CEP63: variants seen among roughly 807,000 people sequenced by gnomAD.
The protein encoded by CEP63 is centrosomal protein of 63 kDa.
A neutral mutation model predicts 89.1 loss-of-function variants in CEP63; 84 were observed. The observed-to-expected ratio is 0.94, with a 90% CI of 0.79 to 1.13. The LOEUF (loss-of-function observed/expected upper bound fraction) is 1.13. Among genes scored for constraint, CEP63 ranks in the 50% most tolerant of loss-of-function variants. CEP63 has a pLI of 0.00. For missense variants in CEP63, 838 were observed against 813.3 expected (o/e 1.03, Z -0.37); for synonymous variants, 267 against 272.5 (o/e 0.98, Z 0.20).
intron 6 of CEP63, among the ~76,000 whole-genome samples, chr3:134,537,518 G>T (rs1234736127): frequency 6.6e-6 from 1 of 152,040 alleles, no homozygotes; most frequent in Admixed American, 6.5e-5. Context: ...TTGCCTCCTT[G>T]CTTGTTTCTG....
the CEP63 span, among the ~76,000 whole-genome samples, chr3:134,778,377 A>G: frequency 1.3e-5 from 2 of 152,022 alleles, no homozygotes; most frequent in East Asian, 3.9e-4. Context: ...AATTATAGGC[A>G]TCAGCCACCA....
At chr3:134,518,198 G>A (rs1385434264) in intron 3 of CEP63, among the ~76,000 whole-genome samples, 2 of 152,080 alleles carry the variant, frequency 1.3e-5, no homozygotes, top group South Asian at 2.1e-4. Context: ...TAAGTACATG[G>A]TAATCATGGA....
chr3:134,777,455 A>G, the CEP63 span, among the ~76,000 whole-genome samples: 1 of 152,044 alleles, frequency 6.6e-6, no homozygotes, highest in South Asian at 2.1e-4. Context: ...CTCATTTTTC[A>G]GAGGGGTCTT....
At chr3:134,609,784 C>G in the CEP63 span, among the ~76,000 whole-genome samples, 1 of 152,136 alleles carries the variant, frequency 6.6e-6, no homozygotes, top group African/African-American at 2.4e-5. Flanking sequence ...GGAGAAGGAG[C>G]CTGGTGTCTG....
At chr3:134,748,427 T>G in the CEP63 span, among the ~76,000 whole-genome samples, 1 of 144,700 alleles carries the variant, frequency 6.9e-6, no homozygotes, top group South Asian at 2.2e-4. Context: ...TGGAGTTTTG[T>G]TTTTTTTTTT....
intron 9 of CEP63, 118 bp from the exon 10 acceptor site, chr3:134,548,944 G>T (rs1954214208): frequency 1.4e-6 from 1 of 694,744 alleles, no homozygotes; most frequent in African/African-American, 1.8e-5. Context: ...AATGACTGAG[G>T]TGATGTTTAA....
intron 2 of CEP63, among the ~76,000 whole-genome samples, chr3:134,502,026 C>T (rs1942148600): frequency 6.6e-6 from 1 of 152,070 alleles, no homozygotes; most frequent in Admixed American, 6.6e-5. Flanking sequence ...TTGTTGAGGG[C>T]TTTTAACGTG....
chr3:134,705,173 G>A, the CEP63 span, among the ~76,000 whole-genome samples: 69 of 152,298 alleles, frequency 4.5e-4, 1 homozygote, highest in African/African-American at 1.3e-3. Context: ...TAATTTATAA[G>A]GAAAAGAGGT....
At chr3:134,663,550 C>G in the CEP63 span, among the ~76,000 whole-genome samples, 1 of 152,208 alleles carries the variant, frequency 6.6e-6, no homozygotes, top group Non-Finnish European at 1.5e-5. Flanking sequence ...ACCCCGGGGG[C>G]CTTCTATTCT....
At chr3:134,577,609 CT>C (rs889066103), downstream of CEP63, among the ~76,000 whole-genome samples, 4 of 150,610 alleles carry the variant, frequency 2.7e-5, no homozygotes, top group Non-Finnish European at 5.9e-5. Context: ...TTATTTTTAA[CT>C]TTTTTTTTCT....
chr3:134,541,662 C>T (rs1202743724), intron 6 of CEP63, among the ~76,000 whole-genome samples: 3 of 151,744 alleles, frequency 2.0e-5, no homozygotes, highest in Non-Finnish European at 1.5e-5. Flanking sequence ...TACAGGCGTG[C>T]ACCACCATGC....
chr3:134,608,567 G>A, the CEP63 span: 9 of 1,611,012 alleles, frequency 5.6e-6, no homozygotes, highest in African/African-American at 1.3e-5. Flanking sequence ...CCTTGAAAGC[G>A]CAGTCTCAGG....
chr3:134,492,262 C>T (rs1394749467), intron 1 of CEP63, among the ~76,000 whole-genome samples: 1 of 151,728 alleles, frequency 6.6e-6, no homozygotes, highest in African/African-American at 2.4e-5. Flanking sequence ...TTAGTAGAGA[C>T]GGGGTTTCAC....
chr3:134,713,206 C>G, the CEP63 span, among the ~76,000 whole-genome samples: 2 of 152,226 alleles, frequency 1.3e-5, no homozygotes, highest in Non-Finnish European at 2.9e-5. Context: ...CTCCCTCTTT[C>G]TTTTTGGCTG....
intron 12 of CEP63, among the ~76,000 whole-genome samples, chr3:134,555,599 A>C (rs1392960674): frequency 6.6e-6 from 1 of 152,192 alleles, no homozygotes; most frequent in Non-Finnish European, 1.5e-5. Context: ...GAGAACTACA[A>C]ACCACTGCTC....
the CEP63 span, among the ~76,000 whole-genome samples, chr3:134,671,465 A>G: frequency 6.6e-6 from 1 of 152,272 alleles, no homozygotes; most frequent in African/African-American, 2.4e-5. Context: ...ACAAATGTGC[A>G]CATGTATGCC....
At chr3:134,695,487 A>T in the CEP63 span, among the ~76,000 whole-genome samples, 1 of 152,130 alleles carries the variant, frequency 6.6e-6, no homozygotes, top group Non-Finnish European at 1.5e-5. Flanking sequence ...CAGAGACCCG[A>T]CTCACAGGAG....
chr3:134,516,277 T>C (rs1045309338), intron 3 of CEP63, among the ~76,000 whole-genome samples: 1 of 152,212 alleles, frequency 6.6e-6, no homozygotes, highest in Non-Finnish European at 1.5e-5. Context: ...CTCAGTGCCT[T>C]AAAGAGCAGT....
chr3:134,747,502 G>T, the CEP63 span, among the ~76,000 whole-genome samples: 1 of 152,158 alleles, frequency 6.6e-6, no homozygotes, highest in East Asian at 1.9e-4. Flanking sequence ...TGGCAGGTGT[G>T]TTTAGGGCCC....
Sources: gnomAD v4.1 joint callset for allele counts (sites outside exome capture counted in the v4.1 genomes callset) on GRCh38, gnomAD v4.1.1 for gene constraint, MANE v1.5 for transcripts, NCBI Gene and HGNC (gene_info 2026-07-23, HGNC 2026-07-21) for gene names.